The following ZFC3H1 variants were observed in gnomAD, a reference collection of about 807,000 sequenced individuals.
ZFC3H1 encodes zinc finger C3H1-type containing, also known as zinc finger C3H1 domain-containing protein.
Under a neutral mutation model 243.7 loss-of-function variants are expected in ZFC3H1, and 71 were observed. That is an observed-to-expected ratio of 0.29 (90% CI 0.24 to 0.36). The LOEUF is 0.36. ZFC3H1 is among the 10% of genes least tolerant of loss of function. ZFC3H1 has a pLI of 1.00. For synonymous variants in ZFC3H1, 838 were observed against 813.0 expected (o/e 1.03, Z -0.52); for missense variants, 1,966 against 2,317.1 (o/e 0.85, Z 3.11).
intron 24 of ZFC3H1, among the ~76,000 whole-genome samples, chr12:71,622,799 T>C (rs978161206): frequency 2.6e-5 from 4 of 152,148 alleles, no homozygotes; most frequent in African/African-American, 9.7e-5. Context: ...GACTATATAC[T>C]AACACACAGT....
intron 1 of ZFC3H1, chr12:71,660,563 T>C (rs1881140709): frequency 6.6e-6 from 1 of 151,766 alleles, no homozygotes; most frequent in Non-Finnish European, 1.5e-5. Context: ...AATAAAAACA[T>C]GCAAGCTTAC....
intron 3 of ZFC3H1, among the ~76,000 whole-genome samples, chr12:71,646,877 T>C (rs1184867385): frequency 6.6e-6 from 1 of 152,230 alleles, no homozygotes; most frequent in Non-Finnish European, 1.5e-5. Flanking sequence ...AGCTCGTTAG[T>C]TCCCACTAGT....
rs200918621 is a variant in ZFC3H1 at position 71,663,453 on chromosome 12, G to T, written c.158C>A (p.Pro53Gln). 190 of 1,612,176 alleles carry T rather than the reference G, an allele frequency of 1.2e-4. No homozygotes were observed. Among genetic ancestry groups the T allele is most frequent in the Non-Finnish European group, 5.9e-6 (7 of 1,180,034 alleles). The change falls in exon 1 of 35, where the codon CCG becomes CAG. Residue 53 changes from proline to glutamine, a missense_variant. Pro to Gln is a moderately conservative substitution (Grantham distance 76). Coordinates refer to ENST00000378743, the MANE Select transcript of ZFC3H1 (RefSeq NM_144982.5). ...SSSGGGLLPY[P>Q]RRRPPHSARG... ...GGCCGAGTGAGGAGGCCTTCGCCGC[G>T]GATAGGGTAACAGCCCGCCGCCGCT...
At chr12:71,612,468 T>C (rs1328231033) in intron 31 of ZFC3H1, among the ~76,000 whole-genome samples, 1 of 152,180 alleles carries the variant, frequency 6.6e-6, no homozygotes, top group Admixed American at 6.5e-5. Flanking sequence ...TCACGTTTTA[T>C]CAAAGGTGTT....
At chr12:71,659,836 C>A (rs911438869) in intron 1 of ZFC3H1, among the ~76,000 whole-genome samples, 1 of 152,090 alleles carries the variant, frequency 6.6e-6, no homozygotes, top group South Asian at 2.1e-4. Flanking sequence ...TCAGCTGCAG[C>A]TGAAAATGGA....
chr12:71,622,869 G>A (rs1880066854), intron 24 of ZFC3H1, among the ~76,000 whole-genome samples: 1 of 151,990 alleles, frequency 6.6e-6, no homozygotes, highest in Non-Finnish European at 1.5e-5. Flanking sequence ...TTCTGACTAG[G>A]CTATATACTT....
At chr12:71,649,293 G>C (rs1880816479) in intron 2 of ZFC3H1, among the ~76,000 whole-genome samples, 1 of 152,084 alleles carries the variant, frequency 6.6e-6, no homozygotes, top group Non-Finnish European at 1.5e-5. Context: ...TGTGTTATAA[G>C]CCACAGCCAT....
chr12:71,624,196 T>C lies in ZFC3H1; in HGVS notation c.4414A>G (p.Ile1472Val). 6.2e-7 allele frequency: 1 copy of C among 1,614,064 alleles called. No individual in the cohort carries two copies. Among genetic ancestry groups the C allele is most frequent in the Non-Finnish European group, 8.5e-7 (1 of 1,179,986 alleles). ...GCCTCTAAAAGCTGAAAGGACAAAA[T>C]ATTGGATGTTTCCTGCTTGGCTGCT... ...MGAAKQETSN[I>V]LSFQLLEALL... The change falls in exon 23 of 35, where the codon ATT (isoleucine) becomes GTT (valine). Residue 1472 changes from isoleucine to valine, a missense_variant. Coordinates refer to ENST00000378743, the MANE Select transcript of ZFC3H1 (RefSeq NM_144982.5).
At chr12:71,640,111 T>C (rs1880563683) in intron 6 of ZFC3H1, among the ~76,000 whole-genome samples, 1 of 152,090 alleles carries the variant, frequency 6.6e-6, no homozygotes. Flanking sequence ...AACCTCCACC[T>C]CCCAGGTTCA....
intron 2 of ZFC3H1, among the ~76,000 whole-genome samples, chr12:71,650,618 A>G (rs1449718110): frequency 6.6e-6 from 1 of 152,214 alleles, no homozygotes; most frequent in East Asian, 1.9e-4. Flanking sequence ...ACACAGGAAA[A>G]GTAATTATTT....
At chr12:71,656,674 G>A in intron 2 of ZFC3H1, 1 of 586,338 alleles carries the variant, frequency 1.7e-6, no homozygotes, top group South Asian at 2.5e-5. Context: ...CTATTATAGA[G>A]GCCAGAATGT....
At chr12:71,611,909 A>ATGAACAAAGCAT in intron 31 of ZFC3H1, 22 bp from the exon 32 acceptor site, 1 of 1,514,854 alleles carries the variant, frequency 6.6e-7, no homozygotes, top group Non-Finnish European at 9.1e-7. Context: ...ATTCAGGAAA[A>ATGAACAAAGCAT]TGAACAAAGC....
At chr12:71,647,449 C>A (rs1341275497) in intron 3 of ZFC3H1, among the ~76,000 whole-genome samples, 1 of 151,970 alleles carries the variant, frequency 6.6e-6, no homozygotes, top group Non-Finnish European at 1.5e-5. Flanking sequence ...CAGGATAACA[C>A]ACAAAAAATG....
chr12:71,637,197 T>G, intron 7 of ZFC3H1, 138 bp from the exon 8 acceptor site: 3 of 721,322 alleles, frequency 4.2e-6, no homozygotes, highest in Non-Finnish European at 6.4e-6. Flanking sequence ...AAGTATATGT[T>G]AACCTCAAAA....
intron 4 of ZFC3H1, 120 bp from the exon 5 acceptor site, chr12:71,644,438 A>G: frequency 2.7e-6 from 3 of 1,105,706 alleles, no homozygotes; most frequent in Non-Finnish European, 3.8e-6. Context: ...TGTTTATATA[A>G]GATTGTCTTC....
At position 71,611,126 on chromosome 12, in the gene ZFC3H1, T is replaced by G. The variant is rs181724913; in HGVS notation, c.5730-29A>C. 8 of 1,469,910 alleles carry G rather than the reference T, an allele frequency of 5.4e-6. No individual in the cohort carries two copies. The South Asian group carries it at 9.8e-5, about 18-fold the overall frequency. 91.1% of individuals were successfully genotyped at this position (1,469,910 alleles called of 1,614,324 possible). Reference sequence around the variant, plus strand: ...AGAGAAAAAAAAAAAAAAAGAAATATAGAAAAAGGAAAAGAAAAATTTATA... The same window carrying G: ...AGAGAAAAAAAAAAAAAAAGAAATAGAGAAAAAGGAAAAGAAAAATTTATA... On this transcript the variant is annotated intron_variant, in intron 32 of 34. Transcript: ENST00000378743.
chr12:71,620,641 A>C (rs1454672663), intron 24 of ZFC3H1, among the ~76,000 whole-genome samples: 2 of 149,008 alleles, frequency 1.3e-5, no homozygotes, highest in East Asian at 2.0e-4. Context: ...CCATCTCAAC[A>C]AAAAAAAAAT....
At chr12:71,661,513 C>T (rs1347541014) in intron 1 of ZFC3H1, among the ~76,000 whole-genome samples, 70 of 138,108 alleles carry the variant, frequency 5.1e-4, no homozygotes, top group African/African-American at 1.7e-3. Context: ...AACGGAGTCT[C>T]GCTTTACCGC....
Position 71,620,060 on chromosome 12 carries a change from G to C in ZFC3H1, c.4915C>G (p.Leu1639Val), listed in dbSNP as rs201291512. ...LESCPINCQL[L>V]EALVALYLQT... Reference sequence around the variant, plus strand: ...AAATATAATGCAACAAGAGCTTCCAGCAACTGGCAGTTAATAGGACATGAT... The same window carrying C: ...AAATATAATGCAACAAGAGCTTCCACCAACTGGCAGTTAATAGGACATGAT... Residue 1639 changes from leucine (L) to valine (V), a missense_variant, in exon 26 of 35, where the codon CTG becomes GTG. Around this residue, in one of 4 missense-constraint regions of ZFC3H1, gnomAD observed 1,383 missense variants for 1,723.7 expected, o/e 0.80. Transcript: ENST00000378743. The C allele has an allele frequency of 3.8e-4, 609 of 1,613,498 alleles. No individual in the cohort carries two copies. The highest frequency in any genetic ancestry group is 1.3e-3 in the Middle Eastern group (8 of 6,060).
Sources: allele counts gnomAD v4.1 joint callset (sites outside exome capture counted in the v4.1 genomes callset), GRCh38; gene constraint gnomAD v4.1.1; regional missense constraint gnomAD v4.1.1; transcripts MANE v1.5; gene names NCBI Gene and HGNC (gene_info 2026-07-23, HGNC 2026-07-21).